The following PTPRG variants were observed in gnomAD, a reference collection of about 807,000 sequenced individuals.
PTPRG encodes the protein protein tyrosine phosphatase receptor type G.
A neutral mutation model predicts 165.3 loss-of-function variants in PTPRG; 102 were observed. The observed-to-expected ratio is 0.62, with a 90% confidence interval of 0.53 to 0.73. The LOEUF is 0.73. Among genes scored for constraint, PTPRG ranks in the 30% least tolerant of loss-of-function variants. The pLI, the probability that PTPRG is intolerant of heterozygous loss-of-function variation, is 0.00. For missense variants in PTPRG, 1,866 were observed against 1,861.4 expected (o/e 1.00, Z -0.05); for synonymous variants, 675 against 669.5 (o/e 1.01, Z -0.13).
At chr3:62,183,864 G>A (rs993187556) in intron 8 of PTPRG, among the ~76,000 whole-genome samples, 3 of 152,216 alleles carry the variant, frequency 2.0e-5, no homozygotes, top group African/African-American at 2.4e-5. Flanking sequence ...CTTTTTACCT[G>A]CTGGGACAGC....
At chr3:61,645,741 G>A (rs1244607920) in intron 1 of PTPRG, among the ~76,000 whole-genome samples, 8 of 152,196 alleles carry the variant, frequency 5.3e-5, no homozygotes, top group Non-Finnish European at 1.2e-4. Flanking sequence ...TGTGAAAGCA[G>A]CCATAGACAA....
In PTPRG at chr3:62,145,245, G is replaced by A. The variant is rs564650698; in HGVS notation, c.683-11822G>A. Among the ~76,000 whole-genome samples the A allele has an allele frequency of 1.7e-4, 26 of 152,198 alleles. No homozygotes were observed. In the South Asian group the frequency reaches 3.7e-3, roughly 22 times the overall value. Reference sequence around the variant, plus strand: ...GTGGCTCAGTTTTCTCAACTGCATCGTGAGGTAATACTAATACCAGTCTTG... The same window carrying A: ...GTGGCTCAGTTTTCTCAACTGCATCATGAGGTAATACTAATACCAGTCTTG... On this transcript the variant is annotated intron_variant, in intron 6 of 29. Transcript: ENST00000474889.
At chr3:62,126,268 G>A (rs1308581308) in intron 5 of PTPRG, among the ~76,000 whole-genome samples, 1 of 152,168 alleles carries the variant, frequency 6.6e-6, no homozygotes, top group Admixed American at 6.5e-5. Flanking sequence ...CCAGAGAATG[G>A]TCAGTTTAAG....
chr3:61,895,259 A>G (rs1228272046), intron 2 of PTPRG, among the ~76,000 whole-genome samples: 2 of 152,200 alleles, frequency 1.3e-5, no homozygotes, highest in African/African-American at 4.8e-5. Context: ...GGATCTGGAA[A>G]GTGATTGATG....
At chr3:62,292,711 A>T in intron 29 of PTPRG, 155 bp downstream of exon 29, 1 of 767,338 alleles carries the variant, frequency 1.3e-6, no homozygotes, top group South Asian at 1.8e-5. Flanking sequence ...CTGCAGATGG[A>T]TGGCATCTAG....
chr3:61,935,410 G>A (rs543971608), intron 2 of PTPRG, among the ~76,000 whole-genome samples: 7 of 152,134 alleles, frequency 4.6e-5, no homozygotes, highest in South Asian at 2.1e-4. Context: ...GCAAAATTAC[G>A]CACGTGCACA....
intron 4 of PTPRG, among the ~76,000 whole-genome samples, chr3:62,013,695 G>T (rs544695385): frequency 2.0e-5 from 3 of 151,206 alleles, no homozygotes; most frequent in Non-Finnish European, 4.4e-5. Context: ...AATAAAATTT[G>T]TTTTAAAAAT....
chr3:62,240,722 A>G lies in PTPRG; in HGVS notation c.2376-3085A>G, dbSNP rs1016849532. ...GCTCCCTCTGCTCTAAGGCTCTTCAACTAGCTGCTTGACCTGCCTAAAATG... is the reference window on the plus strand; with the variant it reads ...GCTCCCTCTGCTCTAAGGCTCTTCAGCTAGCTGCTTGACCTGCCTAAAATG... On this transcript the variant is annotated intron_variant, in intron 14 of 29. Coordinates refer to ENST00000474889, the MANE Select transcript of PTPRG (RefSeq NM_002841.4). This position sits in a 1 kb window ranked among gnomAD's most constrained non-coding sequence, Gnocchi z 5.1. Among the ~76,000 whole-genome samples the G allele has an allele frequency of 2.0e-5, 3 of 152,156 alleles. No homozygotes were observed. Among genetic ancestry groups the G allele is most frequent in the African/African-American group, 7.2e-5 (3 of 41,442 alleles).
At chr3:61,925,986 C>T in intron 2 of PTPRG, 1 of 462,268 alleles carries the variant, frequency 2.2e-6, no homozygotes, top group South Asian at 1.5e-5. Context: ...CCAGCGTCAC[C>T]TGCCAGCTTG....
At chr3:62,288,628 GCACCATTGCACTC>G (rs1217973027) in intron 28 of PTPRG, among the ~76,000 whole-genome samples, 3 of 149,590 alleles carry the variant, frequency 2.0e-5, no homozygotes, top group African/African-American at 7.4e-5. Context: ...AACCAAGATT[GCACCATTGCACTC>G]CAGCCTGGGC....
chr3:61,574,964 T>C (rs974452652), intron 1 of PTPRG, among the ~76,000 whole-genome samples: 6 of 152,176 alleles, frequency 3.9e-5, no homozygotes, highest in Admixed American at 6.5e-5. Flanking sequence ...AAGCCATTCG[T>C]GAGGGACCCA....
chr3:62,273,030 G>C lies in PTPRG; in HGVS notation c.3267G>C (p.Leu1089=). 1 of 1,613,782 alleles carries C rather than the reference G, an allele frequency of 6.2e-7. No homozygotes were observed. Among genetic ancestry groups the C allele is most frequent in the Non-Finnish European group, 8.5e-7 (1 of 1,179,814 alleles). The change falls in exon 22 of 30, where the codon CTG becomes CTC. Residue 1089 remains leucine (L), a synonymous_variant. Coordinates refer to ENST00000474889, the MANE Select transcript of PTPRG (RefSeq NM_002841.4). The surrounding 1 kb of genome is among the most constrained non-coding windows in gnomAD (Gnocchi z 4.1). The part of the protein sequence containing the change: ...QIKDKSTVNV[L]GFLKHIRTQR... ...AAGACAAAAGCACAGTTAACGTCCT[G>C]GGATTCCTGAAGCATATCAGGACAC...
intron 1 of PTPRG, among the ~76,000 whole-genome samples, chr3:61,689,905 A>T (rs1192545451): frequency 1.3e-5 from 2 of 152,158 alleles, no homozygotes; most frequent in African/African-American, 4.8e-5. Flanking sequence ...TGGAAATCTC[A>T]GTTTGTGTTC....
At chr3:61,647,747 A>C (rs545483843) in intron 1 of PTPRG, among the ~76,000 whole-genome samples, 3 of 134,662 alleles carry the variant, frequency 2.2e-5, no homozygotes, top group East Asian at 2.4e-4. Context: ...AGCTGAGATC[A>C]CACCACTGCA....
At chr3:62,137,787 A>C (rs1703767798) in intron 6 of PTPRG, among the ~76,000 whole-genome samples, 1 of 152,176 alleles carries the variant, frequency 6.6e-6, no homozygotes, top group African/African-American at 2.4e-5. Flanking sequence ...TGATCGAGAA[A>C]CGATTCATTG....
rs141216295 is a variant in PTPRG, at chr3:61,788,081, C to T, written c.190+39099C>T. ...GCTCCTGCTGCTTGTGTCTACCTGT[C>T]CTCAAAGGACACACGGCCAACTTCT... On this transcript the variant is annotated intron_variant, in intron 2 of 29. Transcript: ENST00000474889. Among the ~76,000 whole-genome samples the T allele has an allele frequency of 9.4e-3, 1,429 of 152,236 alleles. 26 individuals carry two copies. Among genetic ancestry groups the T allele is most frequent in the African/African-American group, 0.032 (1,347 of 41,524 alleles).
chr3:62,026,497 G>A (rs1031240851), intron 4 of PTPRG, among the ~76,000 whole-genome samples: 14 of 152,216 alleles, frequency 9.2e-5, no homozygotes, highest in South Asian at 2.1e-4. Context: ...ACCCAGACAC[G>A]TGTGCCCAGG....
intron 2 of PTPRG, among the ~76,000 whole-genome samples, chr3:61,826,156 G>C (rs181553828): frequency 2.0e-5 from 3 of 152,048 alleles, no homozygotes; most frequent in South Asian, 2.1e-4. Context: ...TGGTTGTGTC[G>C]TTTTGCACGG....
intron 1 of PTPRG, 61 bp downstream of exon 1, chr3:61,562,433 GTC>G: frequency 6.5e-7 from 1 of 1,544,126 alleles, no homozygotes; most frequent in Non-Finnish European, 8.9e-7. Flanking sequence ...ATGCGGAGTT[GTC>G]GCCTGGGCGC....
Sources: allele counts gnomAD v4.1 joint callset (sites outside exome capture counted in the v4.1 genomes callset), GRCh38; gene constraint gnomAD v4.1.1; non-coding constraint Gnocchi (gnomAD v3.1); transcripts MANE v1.5; gene names NCBI Gene and HGNC (gene_info 2026-07-23, HGNC 2026-07-21).